UTP4: variants seen among roughly 807,000 people sequenced by gnomAD.
UTP4 encodes U3 small nucleolar RNA-associated protein 4 homolog.
Under a neutral mutation model 82.4 loss-of-function variants are expected in UTP4, and 45 were observed. The ratio of observed to expected loss-of-function variants is 0.55; its 90% CI spans 0.43 to 0.70. The LOEUF is 0.70. Among genes scored for constraint, UTP4 ranks in the 30% least tolerant of loss-of-function variants. The pLI is 0.00. For missense variants in UTP4, 819 were observed against 858.3 expected, an observed-to-expected ratio of 0.95 and a Z score of 0.57; for synonymous variants, 348 against 300.3, an observed-to-expected ratio of 1.16 and a Z score of -1.64.
At chr16:69,151,567 G>T (rs996889872) in intron 8 of UTP4, among the ~76,000 whole-genome samples, 1 of 151,230 alleles carries the variant, frequency 6.6e-6, no homozygotes. Context: ...TGATACGCCC[G>T]CCTCGGCCTC....
At chr16:69,133,378 G>A in intron 1 of UTP4, 80 bp from the exon 2 acceptor site, 1 of 1,389,042 alleles carries the variant, frequency 7.2e-7, no homozygotes, top group Non-Finnish European at 1.0e-6. Flanking sequence ...AGCCAGAACA[G>A]TGATATTAAG....
chr16:69,135,899 C>A (rs1414885695), intron 2 of UTP4, among the ~76,000 whole-genome samples: 1 of 152,148 alleles, frequency 6.6e-6, no homozygotes, highest in Non-Finnish European at 1.5e-5. Context: ...CGTGGTGGCA[C>A]ATGCCTGTAA....
chr16:69,151,374 G>A (rs1018468394), intron 8 of UTP4, among the ~76,000 whole-genome samples: 2 of 148,014 alleles, frequency 1.4e-5, no homozygotes, highest in African/African-American at 5.0e-5. Flanking sequence ...CCAGGCTGGA[G>A]TGCAGTGGTG....
chr16:69,141,408 T>C (rs1962955770), intron 5 of UTP4, among the ~76,000 whole-genome samples: 2 of 152,264 alleles, frequency 1.3e-5, no homozygotes, highest in South Asian at 4.1e-4. Context: ...CTGGCTCCGC[T>C]GTCTTCCAGC....
intron 16 of UTP4, among the ~76,000 whole-genome samples, chr16:69,168,042 T>TG (rs1567385116): frequency 6.6e-6 from 1 of 151,860 alleles, no homozygotes; most frequent in Non-Finnish European, 1.5e-5. Context: ...TTAAAGTCCT[T>TG]GCTTAACATT....
intron 8 of UTP4, among the ~76,000 whole-genome samples, chr16:69,152,157 G>A (rs888545517): frequency 1.3e-5 from 2 of 151,582 alleles, no homozygotes; most frequent in African/African-American, 2.4e-5. Context: ...CTTTGTCTAC[G>A]CTGGCATCAT....
intron 7 of UTP4, 27 bp from the exon 8 acceptor site, chr16:69,150,786 T>G: frequency 6.2e-7 from 1 of 1,613,338 alleles, no homozygotes. Flanking sequence ...CTTCTAATTC[T>G]GTACACCTTC....
intron 14 of UTP4, among the ~76,000 whole-genome samples, chr16:69,163,880 G>GTTTTTTTTTTTTTT (rs201368311): frequency 2.3e-5 from 3 of 132,600 alleles, no homozygotes; most frequent in African/African-American, 5.8e-5. Context: ...TTGATGGTCA[G>GTTTTTTTTTTTTTT]TTTGTTTTTT....
chr16:69,167,054 A>G (rs1479749389), intron 15 of UTP4, 21 bp from the exon 16 acceptor site: 3 of 1,537,344 alleles, frequency 2.0e-6, no homozygotes, highest in Non-Finnish European at 2.7e-6. Flanking sequence ...CCATTTAAAC[A>G]ATGTGTCTTT....
At chr16:69,158,161 CT>C (rs34392768) in intron 12 of UTP4, among the ~76,000 whole-genome samples, 284 of 40,386 alleles carry the variant, frequency 7.0e-3, no homozygotes, top group African/African-American at 0.024. Context: ...AAAGTCAACT[CT>C]TTTTTTTTTT....
intron 8 of UTP4, 45 bp from the exon 9 acceptor site, chr16:69,153,539 G>A: frequency 7.2e-7 from 1 of 1,388,560 alleles, no homozygotes; most frequent in Non-Finnish European, 1.0e-6. Flanking sequence ...TAAGGCAGTA[G>A]ATGACCCTGA....
chr16:69,148,344 G>A (rs928725236), intron 6 of UTP4, among the ~76,000 whole-genome samples: 20 of 151,576 alleles, frequency 1.3e-4, no homozygotes, highest in East Asian at 1.9e-4. Context: ...TGATCCGCCC[G>A]CCTCGGCTTC....
intron 6 of UTP4, among the ~76,000 whole-genome samples, chr16:69,148,948 G>A (rs1244618893): frequency 2.6e-5 from 4 of 151,820 alleles, no homozygotes. Flanking sequence ...GTGTTTTTTT[G>A]TTTTGTTTTG....
At chr16:69,164,836 C>T (rs1360239589) in intron 14 of UTP4, among the ~76,000 whole-genome samples, 1 of 151,898 alleles carries the variant, frequency 6.6e-6, no homozygotes, top group African/African-American at 2.4e-5. Flanking sequence ...GGGTCAGTCT[C>T]CGTGATATAA....
chr16:69,139,900 T>C lies in UTP4; in HGVS notation c.512T>C (p.Phe171Ser). Reference protein sequence around the residue: ...AAGSIDYISVFDVKSGSAVHK... With the variant: ...AAGSIDYISVSDVKSGSAVHK... ...GGTTCCATAGACTACATTAGTGTGT[T>C]TGATGTCAAATCAGGTGATTGTTTT... is the stretch of plus-strand genomic sequence containing the variant. The change falls in exon 5 of 17, where the codon TTT becomes TCT. Residue 171 changes from phenylalanine to serine, a missense_variant. By Grantham distance (155) the Phe-to-Ser change is radical (BLOSUM62 -2). Coordinates refer to ENST00000314423, the MANE Select transcript of UTP4 (RefSeq NM_032830.3). 1 of 1,612,126 alleles carries C rather than the reference T, an allele frequency of 6.2e-7. No individual in the cohort carries two copies. Among genetic ancestry groups the C allele is most frequent in the Middle Eastern group, 1.7e-4 (1 of 6,056 alleles).
intron 3 of UTP4, 152 bp downstream of exon 3, chr16:69,137,039 C>T: frequency 4.0e-6 from 3 of 742,778 alleles, no homozygotes; most frequent in Non-Finnish European, 7.2e-6. Context: ...TTTAAAAATC[C>T]CCAGCATTCT....
At chr16:69,164,319 AATG>A (rs1459855832) in intron 14 of UTP4, among the ~76,000 whole-genome samples, 1 of 152,054 alleles carries the variant, frequency 6.6e-6, no homozygotes, top group Non-Finnish European at 1.5e-5. Flanking sequence ...TGTCACACAT[AATG>A]ATAATTTCCC....
At chr16:69,155,789 A>G in intron 10 of UTP4, 82 bp from the exon 11 acceptor site, 1 of 1,477,730 alleles carries the variant, frequency 6.8e-7, no homozygotes, top group Non-Finnish European at 9.5e-7. Context: ...CCAGAGTGGC[A>G]AGAGCTTGAG....
rs1416780559 is a variant in UTP4, at chr16:69,163,084, T to C, written c.1553T>C (p.Leu518Pro). 1.9e-6 allele frequency: 3 copies of C among 1,613,334 alleles called. No individual in the cohort carries two copies. The highest frequency in any genetic ancestry group is 1.1e-5 in the South Asian group (1 of 91,076). The change falls in exon 14 of 17, where the codon CTT becomes CCT. Residue 518 changes from leucine to proline, a missense_variant and splice_region_variant. By Grantham distance (98) the Leu-to-Pro change is moderately conservative. Coordinates refer to ENST00000314423, the MANE Select transcript of UTP4 (RefSeq NM_032830.3). Reference sequence around the variant, plus strand: ...CTTGTGTCTGTTATTTGTTCCCAGCTTCACTGCACGGTGCCTGCTTACAAT... The same window carrying C: ...CTTGTGTCTGTTATTTGTTCCCAGCCTCACTGCACGGTGCCTGCTTACAAT... ...VHVYNVKQLK[L>P]HCTVPAYNFP...
Sources: allele counts gnomAD v4.1 joint callset (sites outside exome capture counted in the v4.1 genomes callset), GRCh38; gene constraint gnomAD v4.1.1; transcripts MANE v1.5; gene names NCBI Gene and HGNC (gene_info 2026-07-23, HGNC 2026-07-21).